APBB2: variants seen among roughly 807,000 people sequenced by gnomAD.
APBB2 encodes amyloid beta precursor protein binding family B member 2, also known as Fe65-like 1.
Under a neutral mutation model 82.5 loss-of-function variants are expected in APBB2, and 38 were observed. The observed-to-expected ratio is 0.46, with a 90% CI of 0.36 to 0.60. APBB2 has a LOEUF of 0.60. APBB2 is among the 20% of genes least tolerant of loss of function. The probability of loss-of-function intolerance (pLI) is 0.00; values close to 1 mark genes in which losing one functional copy is unlikely to be tolerated. For synonymous variants in APBB2, 341 were observed against 368.2 expected, an observed-to-expected ratio of 0.93 and a Z score of 0.85; for missense variants, 772 against 972.3, an observed-to-expected ratio of 0.79 and a Z score of 2.74.
intron 17 of APBB2, among the ~76,000 whole-genome samples, chr4:40,820,164 C>T (rs967582138): frequency 6.6e-6 from 1 of 152,208 alleles, no homozygotes; most frequent in African/African-American, 2.4e-5. Context: ...GCTTCACATG[C>T]AGCAGTTCTC....
At chr4:40,924,620 A>T (rs773570441) in intron 10 of APBB2, among the ~76,000 whole-genome samples, 1 of 152,206 alleles carries the variant, frequency 6.6e-6, no homozygotes, top group Non-Finnish European at 1.5e-5. Flanking sequence ...GAGGCCCTGG[A>T]GGACGTGAGG....
chr4:40,959,660 T>G (rs1300467864), intron 6 of APBB2, among the ~76,000 whole-genome samples: 1 of 152,212 alleles, frequency 6.6e-6, no homozygotes, highest in Non-Finnish European at 1.5e-5. Flanking sequence ...AATTACAAGC[T>G]GAAGTGGGCG....
At chr4:40,949,684 C>G (rs886557863) in intron 6 of APBB2, among the ~76,000 whole-genome samples, 2 of 152,026 alleles carry the variant, frequency 1.3e-5, no homozygotes. Context: ...CTTTTGTTCT[C>G]AGAAAATTAC....
chr4:41,197,003 A>C, intron 1 of APBB2, among the ~76,000 whole-genome samples: 2 of 152,140 alleles, frequency 1.3e-5, no homozygotes, highest in Non-Finnish European at 1.5e-5. Context: ...GTCACTGGGT[A>C]ATTTGAAGAC....
chr4:40,925,884 T>C (rs549833871), intron 10 of APBB2, among the ~76,000 whole-genome samples: 5 of 152,300 alleles, frequency 3.3e-5, no homozygotes, highest in Admixed American at 1.3e-4. Flanking sequence ...AGATGAATAT[T>C]GGAATCTCAT....
intron 3 of APBB2, among the ~76,000 whole-genome samples, chr4:41,072,952 T>C (rs1317275274): frequency 6.6e-6 from 1 of 152,244 alleles, no homozygotes; most frequent in African/African-American, 2.4e-5. Context: ...TGCAAAGGTA[T>C]GATTGAGAAC....
intron 12 of APBB2, among the ~76,000 whole-genome samples, chr4:40,871,469 C>T (rs1378512961): frequency 6.6e-6 from 1 of 152,192 alleles, no homozygotes; most frequent in Non-Finnish European, 1.5e-5. Flanking sequence ...GAAGTTTCCT[C>T]TTCCTTCCCT....
intron 6 of APBB2, among the ~76,000 whole-genome samples, chr4:40,992,945 T>A (rs1802557083): frequency 1.3e-5 from 2 of 152,222 alleles, no homozygotes; most frequent in Admixed American, 1.3e-4. Context: ...CTGAAGTTAT[T>A]TTCTGTTTGT....
chr4:41,016,375 G>A (rs1809932629), intron 5 of APBB2, among the ~76,000 whole-genome samples: 1 of 152,074 alleles, frequency 6.6e-6, no homozygotes, highest in Admixed American at 6.6e-5. Flanking sequence ...AAGACTTCTA[G>A]CCACAGCCGG....
intron 6 of APBB2, among the ~76,000 whole-genome samples, chr4:40,951,956 G>A (rs193254730): frequency 1.3e-5 from 2 of 152,080 alleles, no homozygotes; most frequent in Non-Finnish European, 2.9e-5. Flanking sequence ...GAGGCCAAGG[G>A]GGGGTGGATC....
rs1015052389 is a variant in APBB2 at position 40,919,337 on chromosome 4, T to C, written c.1254+15119A>G. 8.5e-5 allele frequency among the ~76,000 whole-genome samples: 13 copies of C among 152,334 alleles called. No individual in the cohort carries two copies. In the South Asian group the frequency reaches 2.5e-3, roughly 29 times the overall value. On this transcript the variant is annotated intron_variant, in intron 10 of 17. Transcript: ENST00000508593. ...TAACATATAGGAACTTCTTTACACA[T>C]GTCCTCACGGTCACCTATCTGGAAG... is the stretch of plus-strand genomic sequence containing the variant.
chr4:41,022,918 TA>T (rs1418298943), intron 5 of APBB2, among the ~76,000 whole-genome samples: 1 of 152,216 alleles, frequency 6.6e-6, no homozygotes. Context: ...ATATCCTTGA[TA>T]TATCAGAGAA....
At chr4:41,183,648 T>C (rs1255813602) in intron 1 of APBB2, among the ~76,000 whole-genome samples, 1 of 150,906 alleles carries the variant, frequency 6.6e-6, no homozygotes, top group East Asian at 2.0e-4. Context: ...GAGAGAGGGA[T>C]GGAACAGATT....
chr4:41,013,861 G>A lies in APBB2; in HGVS notation c.557C>T (p.Ala186Val), dbSNP rs1056886647. The A allele has an allele frequency of 5.0e-6, 8 of 1,614,134 alleles. No individual in the cohort carries two copies. The highest frequency in any genetic ancestry group is 5.9e-6 in the Non-Finnish European group (7 of 1,180,016). The change falls in exon 6 of 18, where the codon GCG becomes GTG. Residue 186 changes from alanine (A) to valine (V), a missense_variant. Ala to Val is a moderately conservative substitution (Grantham distance 64). Transcript: ENST00000508593. The stretch of plus-strand genomic sequence containing the variant: ...CTGGACTGGCTGGGATTTCTCTTCC[G>A]CAGTCCCATGGTGATTGCCTCGGTT... ...EQNRGNHHGTAEEKSQPVQGQ... is the reference protein window; with the variant it reads ...EQNRGNHHGTVEEKSQPVQGQ...
chr4:41,063,170 T>G (rs2153886128), intron 4 of APBB2, among the ~76,000 whole-genome samples: 1 of 152,380 alleles, frequency 6.6e-6, no homozygotes, highest in South Asian at 2.1e-4. Flanking sequence ...TCAATGGCAG[T>G]ACATGCCCTT....
intron 6 of APBB2, among the ~76,000 whole-genome samples, chr4:40,951,910 C>G (rs903471770): frequency 2.0e-5 from 3 of 151,946 alleles, no homozygotes; most frequent in African/African-American, 7.2e-5. Context: ...CATCATGGTT[C>G]AAAGCAAAAA....
intron 3 of APBB2, among the ~76,000 whole-genome samples, chr4:41,092,715 C>G (rs965714300): frequency 2.0e-5 from 3 of 151,112 alleles, no homozygotes; most frequent in Admixed American, 6.6e-5. Context: ...AGTACTTGGT[C>G]TGAATAGAGT....
intron 4 of APBB2, among the ~76,000 whole-genome samples, chr4:41,042,293 C>G (rs1721826161): frequency 6.6e-6 from 1 of 152,164 alleles, no homozygotes; most frequent in South Asian, 2.1e-4. Context: ...CCGGCCTGAT[C>G]CCCAACTTTC....
intron 4 of APBB2, among the ~76,000 whole-genome samples, chr4:41,041,443 A>G (rs1721469744): frequency 6.6e-6 from 1 of 152,214 alleles, no homozygotes; most frequent in Non-Finnish European, 1.5e-5. Flanking sequence ...ATTGGCATAT[A>G]ACATTGTACT....
Sources: allele counts gnomAD v4.1 joint callset (sites outside exome capture counted in the v4.1 genomes callset), GRCh38; gene constraint gnomAD v4.1.1; transcripts MANE v1.5; gene names NCBI Gene and HGNC (gene_info 2026-07-23, HGNC 2026-07-21).